NCOA2: variants seen among roughly 807,000 people sequenced by gnomAD.
NCOA2 encodes the protein nuclear receptor coactivator 2.
NCOA2 carries 21 observed loss-of-function variants against 145.1 expected under a neutral mutation model. The observed-to-expected ratio is 0.14, with a 90% CI of 0.10 to 0.21. The LOEUF (loss-of-function observed/expected upper bound fraction) is 0.21, where lower values mean the gene tolerates loss of function less well. Ranked by LOEUF, NCOA2 falls within the 10% of genes least tolerant of loss-of-function variation. The pLI is 1.00. For synonymous variants in NCOA2, 619 were observed against 637.5 expected, an observed-to-expected ratio of 0.97 and a Z score of 0.44; for missense variants, 1,472 against 1,837.6, an observed-to-expected ratio of 0.80 and a Z score of 3.64.
intron 5 of NCOA2, 46 bp downstream of exon 5, chr8:70,174,710 G>T (rs1374784692): frequency 6.7e-7 from 1 of 1,492,498 alleles, no homozygotes. Context: ...ATAATGTGAA[G>T]ATCAACAAGA....
intron 20 of NCOA2, 141 bp downstream of exon 20, chr8:70,124,547 A>G (rs1428039327): frequency 1.5e-5 from 11 of 746,694 alleles, no homozygotes; most frequent in Non-Finnish European, 2.2e-5. Flanking sequence ...ATTGCTGTGG[A>G]AGGCGGTGAC....
intron 4 of NCOA2, among the ~76,000 whole-genome samples, chr8:70,183,767 A>G (rs1433651811): frequency 2.6e-5 from 4 of 151,974 alleles, no homozygotes; most frequent in African/African-American, 7.3e-5. Context: ...CCATCTTAAC[A>G]TTCCCCTCAC....
intron 1 of NCOA2, among the ~76,000 whole-genome samples, chr8:70,309,249 C>T (rs997533855): frequency 1.3e-5 from 2 of 152,008 alleles, no homozygotes; most frequent in African/African-American, 4.8e-5. Flanking sequence ...CTATTGTGCC[C>T]TGTCCAAATT....
chr8:70,273,888 GAAGTTAC>G, intron 2 of NCOA2: 3 of 518,718 alleles, frequency 5.8e-6, no homozygotes, highest in South Asian at 4.4e-5. Flanking sequence ...AAAACTTGAA[GAAGTTAC>G]TGGGAGCTGC....
intron 1 of NCOA2, among the ~76,000 whole-genome samples, chr8:70,303,057 A>C (rs964099204): frequency 8.5e-5 from 13 of 152,196 alleles, no homozygotes; most frequent in African/African-American, 2.9e-4. Flanking sequence ...CTCTGTAAAG[A>C]CTAGTATTCT....
chr8:70,129,946 AG>A (rs1808899222), intron 16 of NCOA2, among the ~76,000 whole-genome samples: 1 of 152,220 alleles, frequency 6.6e-6, no homozygotes, highest in African/African-American at 2.4e-5. Flanking sequence ...CTGGGATTAC[AG>A]GCGTGAGCCA....
chr8:70,341,093 A>AAAAAAAG (rs1328205576), intron 1 of NCOA2, among the ~76,000 whole-genome samples: 4 of 150,882 alleles, frequency 2.7e-5, no homozygotes, highest in Admixed American at 1.3e-4. Flanking sequence ...AAAAAAAAAA[A>AAAAAAAG]AAAAGAAACA....
Position 70,188,650 on chromosome 8 carries a change from C to CA in NCOA2, c.260-13792dup, listed in dbSNP as rs201056010. Among the ~76,000 whole-genome samples the CA allele has an allele frequency of 6.5e-3, 990 of 151,442 alleles. 11 individuals are homozygous for CA. The highest frequency in any genetic ancestry group is 0.027 in the Middle Eastern group (8 of 292). ...TAGCTTAAATAATTTAATTGTACAA[C>CA]AAAAAAAACCTGAAATCATTTCAGT... On this transcript the variant is annotated intron_variant, in intron 4 of 22. Transcript: ENST00000452400.
chr8:70,280,896 T>C (rs767493215), intron 2 of NCOA2, among the ~76,000 whole-genome samples: 1 of 151,916 alleles, frequency 6.6e-6, no homozygotes, highest in Non-Finnish European at 1.5e-5. Context: ...TACACGATCT[T>C]AAGAATGGGA....
intron 1 of NCOA2, among the ~76,000 whole-genome samples, chr8:70,297,593 A>G (rs1274817710): frequency 6.6e-6 from 1 of 152,232 alleles, no homozygotes; most frequent in Non-Finnish European, 1.5e-5. Context: ...TTGGCCTTCC[A>G]AAATGCCAGG....
At chr8:70,377,026 T>C (rs1811736444) in intron 1 of NCOA2, among the ~76,000 whole-genome samples, 1 of 151,446 alleles carries the variant, frequency 6.6e-6, no homozygotes, top group Admixed American at 6.6e-5. Context: ...CAGATGACGA[T>C]GATGGCTTTT....
chr8:70,416,671 G>A, the NCOA2 span, among the ~76,000 whole-genome samples: 1 of 152,204 alleles, frequency 6.6e-6, no homozygotes, highest in East Asian at 1.9e-4. Flanking sequence ...CATGATTCTG[G>A]AAGTTGGAAA....
chr8:70,206,935 T>A (rs1490693248), intron 4 of NCOA2, among the ~76,000 whole-genome samples: 1 of 152,204 alleles, frequency 6.6e-6, no homozygotes, highest in Non-Finnish European at 1.5e-5. Flanking sequence ...TGTGCCAGCT[T>A]CTTTAATAAT....
At chr8:70,237,458 G>C (rs1257379631) in intron 2 of NCOA2, among the ~76,000 whole-genome samples, 1 of 143,200 alleles carries the variant, frequency 7.0e-6, no homozygotes, top group African/African-American at 2.6e-5. Flanking sequence ...TAAACTTATA[G>C]TTTTGTATCT....
At chr8:70,123,746 G>A in intron 21 of NCOA2, 138 bp downstream of exon 21, 2 of 609,364 alleles carry the variant, frequency 3.3e-6, no homozygotes, top group Admixed American at 3.5e-5. Context: ...TAACACAGGT[G>A]AAGGGTGAAA....
In NCOA2 at chr8:70,110,297, G is replaced by T. The variant is rs1048119475; in HGVS notation, c.*3335C>A. ...TTCACTATACAAATATAATACATCG[G>T]ACAGCTATGTAGGAATATACAAGAC... On this transcript the variant is annotated 3_prime_UTR_variant, in exon 23 of 23. Coordinates refer to ENST00000452400, the MANE Select transcript of NCOA2 (RefSeq NM_006540.4). The T allele has an allele frequency of 5.1e-6, 1 of 197,536 alleles. No homozygotes were observed. Among genetic ancestry groups the T allele is most frequent in the Non-Finnish European group, 1.0e-5 (1 of 95,502 alleles). 12.2% of individuals were successfully genotyped at this position (197,536 alleles called of 1,614,324 possible).
At chr8:70,170,965 C>T (rs1217790470) in intron 5 of NCOA2, among the ~76,000 whole-genome samples, 1 of 152,154 alleles carries the variant, frequency 6.6e-6, no homozygotes, top group African/African-American at 2.4e-5. Flanking sequence ...GGGAAAGGGT[C>T]TCGGAAGTGT....
At chr8:70,254,110 C>T (rs1823428391) in intron 2 of NCOA2, among the ~76,000 whole-genome samples, 1 of 152,164 alleles carries the variant, frequency 6.6e-6, no homozygotes, top group Admixed American at 6.5e-5. Flanking sequence ...CCAAAGACGA[C>T]ACACAAATGG....
intron 2 of NCOA2, among the ~76,000 whole-genome samples, chr8:70,221,473 T>C (rs557572165): frequency 3.5e-4 from 53 of 152,262 alleles, no homozygotes; most frequent in African/African-American, 1.3e-3. Context: ...CAGGCTCTGA[T>C]AAGTCTAAAA....
Sources: allele counts gnomAD v4.1 joint callset (sites outside exome capture counted in the v4.1 genomes callset), GRCh38; gene constraint gnomAD v4.1.1; transcripts MANE v1.5; gene names NCBI Gene and HGNC (gene_info 2026-07-23, HGNC 2026-07-21).